NLGN4X: variants seen among roughly 807,000 people sequenced by gnomAD.
NLGN4X encodes neuroligin 4 X-linked, also known as neuroligin-4, X-linked.
A neutral mutation model predicts 40.3 loss-of-function variants in NLGN4X; 3 were observed. The observed-to-expected ratio is 0.07, with a 90% CI of 0.03 to 0.19. The LOEUF (loss-of-function observed/expected upper bound fraction) is 0.19, where lower values mean the gene tolerates loss of function less well. NLGN4X is among the 10% of genes least tolerant of loss of function. The probability of loss-of-function intolerance (pLI) is 1.00; values close to 1 mark genes in which losing one functional copy is unlikely to be tolerated. For missense variants in NLGN4X, 382 were observed against 708.3 expected (o/e 0.54, Z 5.23); for synonymous variants, 270 against 306.8 (o/e 0.88, Z 1.25).
At chrX:6,105,460 T>A (rs1306063991) in intron 2 of NLGN4X, among the ~76,000 whole-genome samples, 2 of 112,471 alleles carry the variant, frequency 1.8e-5, no homozygotes, top group Non-Finnish European at 3.7e-5. Flanking sequence ...GATTAGCAAA[T>A]TTAAAATATA....
intron 1 of NLGN4X, among the ~76,000 whole-genome samples, chrX:6,208,826 T>G (rs1233151565): frequency 2.7e-5 from 3 of 110,726 alleles, no homozygotes; most frequent in Non-Finnish European, 5.7e-5. Context: ...GTATGGAGAG[T>G]CCTCAAAGAA....
At chrX:5,904,715 A>AGGAG (rs1339345814) in intron 4 of NLGN4X, among the ~76,000 whole-genome samples, 6 of 112,087 alleles carry the variant, frequency 5.4e-5, no homozygotes, top group Non-Finnish European at 7.5e-5. Flanking sequence ...ACGATAGGAC[A>AGGAG]AGAGAGGTGC....
rs1446564615 is a variant in NLGN4X, at chrX:6,032,619, G to C, written c.473-3187C>G. ...AAGGGGAGAAAAAACAGATTGAAATGAAAAAAAAAAAGAGAGATAGATAGA... is the reference window on the plus strand; with the variant it reads ...AAGGGGAGAAAAAACAGATTGAAATCAAAAAAAAAAAGAGAGATAGATAGA... On this transcript the variant is annotated intron_variant, in intron 2 of 5. Coordinates refer to ENST00000381095, the MANE Select transcript of NLGN4X (RefSeq NM_181332.3). 17 of 564,562 alleles carry C rather than the reference G, an allele frequency of 3.0e-5. No individual in the cohort carries two copies. The African/African-American group carries it at 3.3e-4, about 11-fold the overall frequency. The allele number at this position is 564,562 out of a possible 1,213,427, so 46.5% of individuals were successfully genotyped here. A position where few individuals can be genotyped will look rare whatever the true frequency, so the allele number is the denominator to read the frequency against.
chrX:6,134,383 T>C (rs958813874), intron 2 of NLGN4X, among the ~76,000 whole-genome samples: 2 of 111,909 alleles, frequency 1.8e-5, no homozygotes, highest in African/African-American at 3.2e-5. Flanking sequence ...GGTCAGTTAC[T>C]GATTCTTCAA....
At chrX:6,065,015 G>A (rs940238923) in intron 2 of NLGN4X, among the ~76,000 whole-genome samples, 3 of 111,668 alleles carry the variant, frequency 2.7e-5, no homozygotes, top group Non-Finnish European at 3.8e-5. Flanking sequence ...TGCAGAAACA[G>A]AAAAGCAAGT....
At chrX:6,039,302 T>C (rs988201831) in intron 2 of NLGN4X, among the ~76,000 whole-genome samples, 16 of 111,377 alleles carry the variant, frequency 1.4e-4, no homozygotes, top group African/African-American at 4.2e-4. Context: ...GAAGAACCCA[T>C]TGGCCCTAAC....
chrX:6,151,610 C>G lies in NLGN4X; in HGVS notation c.-144G>C, dbSNP rs1367736186. The G allele has an allele frequency of 5.7e-6, 3 of 522,369 alleles. No individual in the cohort carries two copies. Among genetic ancestry groups the G allele is most frequent in the Non-Finnish European group, 9.8e-6 (3 of 304,697 alleles). The allele number at this position is 522,369 out of a possible 1,213,427, so 43.0% of individuals were successfully genotyped here. ...ACTCTCAGACTGATCACAGACAGAG[C>G]CTGAGGTTAAGAACAAGCACAGCCG... On this transcript the variant is annotated 5_prime_UTR_variant, in exon 2 of 6. Coordinates refer to ENST00000381095, the MANE Select transcript of NLGN4X (RefSeq NM_181332.3).
At chrX:5,941,183 GTGTGTGTGTGTGTGTGTGTGTGTGTGTGT>G (rs1569143880) in intron 3 of NLGN4X, among the ~76,000 whole-genome samples, 783 of 23,849 alleles carry the variant, frequency 0.033, 15 homozygotes, top group African/African-American at 0.082. Context: ...GCTAGGGGGT[GTGTGTGTGTGTGTGTGTGTGTGTGTGTGT>G]GTGTGTGTGT....
intron 3 of NLGN4X, among the ~76,000 whole-genome samples, chrX:5,924,368 A>G (rs2033191681): frequency 9.0e-6 from 1 of 111,589 alleles, no homozygotes; most frequent in Non-Finnish European, 1.9e-5. Context: ...TAAAATGAAA[A>G]AAAAAAAACC....
chrX:5,982,193 C>T (rs894762507), intron 3 of NLGN4X, among the ~76,000 whole-genome samples: 1 of 111,857 alleles, frequency 8.9e-6, no homozygotes, highest in Non-Finnish European at 1.9e-5. Flanking sequence ...AAGAGTATGA[C>T]TCAGTGCTTC....
chrX:6,012,723 G>A (rs1323590212), intron 3 of NLGN4X, among the ~76,000 whole-genome samples: 3 of 110,928 alleles, frequency 2.7e-5, no homozygotes, highest in Non-Finnish European at 5.7e-5. Flanking sequence ...AAAAGGAGAC[G>A]ACACATACAA....
rs141236079 is a variant in NLGN4X, at chrX:6,013,957, C to T, written c.625+15323G>A. Among the ~76,000 whole-genome samples, 903 of 108,487 alleles carry T rather than the reference C, an allele frequency of 8.3e-3. 8 individuals are homozygous for T. Among genetic ancestry groups the T allele is most frequent in the African/African-American group, 0.029 (872 of 29,716 alleles). 94.2% of individuals were successfully genotyped at this position (108,487 alleles called of 115,157 possible). ...CAGCACTTTAAGAGGCCAAGGAGAG[C>T]GGATCACGAGGTCAGGAGATCAACA... On this transcript the variant is annotated intron_variant, in intron 3 of 5. Coordinates refer to ENST00000381095, the MANE Select transcript of NLGN4X (RefSeq NM_181332.3).
chrX:6,043,075 C>T (rs373222821), intron 2 of NLGN4X, among the ~76,000 whole-genome samples: 1 of 104,086 alleles, frequency 9.6e-6, no homozygotes, highest in African/African-American at 3.6e-5. Context: ...GATTCCATCT[C>T]AAAAAACAAC....
chrX:6,140,812 A>C (rs913482314), intron 2 of NLGN4X, among the ~76,000 whole-genome samples: 4 of 108,795 alleles, frequency 3.7e-5, no homozygotes, highest in African/African-American at 6.7e-5. Context: ...TCCTGGGCTC[A>C]AGCAATCCAC....
chrX:6,054,792 G>C (rs1177285176), intron 2 of NLGN4X, among the ~76,000 whole-genome samples: 4 of 110,332 alleles, frequency 3.6e-5, no homozygotes, highest in African/African-American at 1.3e-4. Context: ...CGAGTAGCTG[G>C]GATTACAGGT....
At chrX:5,906,223 T>C (rs1332581312) in intron 4 of NLGN4X, among the ~76,000 whole-genome samples, 2 of 112,088 alleles carry the variant, frequency 1.8e-5, no homozygotes, top group African/African-American at 6.5e-5. Context: ...CTCTACCAAA[T>C]GGTTCATCAG....
chrX:5,951,645 G>A (rs966750261), intron 3 of NLGN4X, among the ~76,000 whole-genome samples: 1 of 111,256 alleles, frequency 9.0e-6, no homozygotes, highest in African/African-American at 3.3e-5. Context: ...TTCAGTGGCT[G>A]GTGAGGACCC....
intron 2 of NLGN4X, among the ~76,000 whole-genome samples, chrX:6,051,459 A>C (rs946985252): frequency 3.6e-5 from 4 of 111,305 alleles, no homozygotes; most frequent in African/African-American, 1.3e-4. Flanking sequence ...GTATCCTTTT[A>C]AGAAGAGGAG....
Position 6,030,447 on chromosome X carries a change from A to G in NLGN4X, c.473-1015T>C, listed in dbSNP as rs192042744. 4.1e-3 allele frequency among the ~76,000 whole-genome samples: 364 copies of G among 89,553 alleles called. 4 individuals are homozygous for G. The highest frequency in any genetic ancestry group is 0.014 in the African/African-American group (348 of 24,826). The allele number at this position is 89,553 out of a possible 115,157, so 77.8% of individuals were successfully genotyped here. Reference sequence around the variant, plus strand: ...GTACAATTTAAATATCTTTGTAACTAAAAGAAAACTCAAGTATTTATGCAT... The same window carrying G: ...GTACAATTTAAATATCTTTGTAACTGAAAGAAAACTCAAGTATTTATGCAT... On this transcript the variant is annotated intron_variant, in intron 2 of 5. Coordinates refer to ENST00000381095, the MANE Select transcript of NLGN4X (RefSeq NM_181332.3).
Sources: allele counts gnomAD v4.1 joint callset (sites outside exome capture counted in the v4.1 genomes callset), GRCh38; gene constraint gnomAD v4.1.1; transcripts MANE v1.5; gene names NCBI Gene and HGNC (gene_info 2026-07-23, HGNC 2026-07-21).